The following ARID3A variants were observed in gnomAD, a reference collection of about 807,000 sequenced individuals.
ARID3A encodes AT-rich interaction domain 3A.
In ARID3A, 11 loss-of-function variants were observed where a neutral mutation model predicts 52.7. That is an observed-to-expected ratio of 0.21 (90% CI 0.13 to 0.35). ARID3A has a LOEUF of 0.35. ARID3A is among the 10% of genes least tolerant of loss of function. The probability of loss-of-function intolerance (pLI) is 1.00; values close to 1 mark genes in which losing one functional copy is unlikely to be tolerated. For missense variants in ARID3A, 721 were observed against 838.5 expected, an observed-to-expected ratio of 0.86 and a Z score of 1.73; for synonymous variants, 404 against 359.4, an observed-to-expected ratio of 1.12 and a Z score of -1.40.
rs2038110190 is a variant in ARID3A, at chr19:964,661, G to C, written c.951-172G>C. On this transcript the variant is annotated intron_variant, in intron 5 of 8. Transcript: ENST00000263620. The surrounding 1 kb of genome is among the most constrained non-coding windows in gnomAD (Gnocchi z 5.7). ...CAATCAGGGGCCATTGCGAGGAACA[G>C]CATTGAGATGGAGGGAATGGGCAAA... 1.3e-5 allele frequency among the ~76,000 whole-genome samples: 2 copies of C among 152,202 alleles called. No homozygotes were observed. The highest frequency in any genetic ancestry group is 4.8e-5 in the African/African-American group (2 of 41,464).
chr19:947,691 C>T lies in ARID3A; in HGVS notation c.694-12401C>T, dbSNP rs2037715627. ...GGAAATCCACAGAGAAGCACCTTCA[C>T]CACGCCAGCTTCCCGGGCCGCGCTT... On this transcript the variant is annotated intron_variant, in intron 3 of 8. Coordinates refer to ENST00000263620, the MANE Select transcript of ARID3A (RefSeq NM_005224.3). This position sits in a 1 kb window ranked among gnomAD's most constrained non-coding sequence, Gnocchi z 6.3. Among the ~76,000 whole-genome samples, 1 of 152,234 alleles carries T rather than the reference C, an allele frequency of 6.6e-6. No homozygotes were observed. Among genetic ancestry groups the T allele is most frequent in the African/African-American group, 2.4e-5 (1 of 41,462 alleles).
At position 966,855 on chromosome 19, in the gene ARID3A, G is replaced by T. The variant is rs1299373090; in HGVS notation, c.1482G>T (p.Arg494=). The T allele has an allele frequency of 8.7e-6, 14 of 1,609,620 alleles. No individual in the cohort carries two copies. Among genetic ancestry groups the T allele is most frequent in the South Asian group, 4.4e-5 (4 of 90,816 alleles). The part of the protein sequence containing the change: ...AMAAQLPMSI[R]INSQASESRQ... ...CGGCCCAGCTGCCCATGAGCATTCG[G>T]ATCAACAGCCAAGGTACTGCCCTCG... The change falls in exon 7 of 9, where the codon CGG becomes CGT. Residue 494 remains arginine (R), a synonymous_variant. Transcript: ENST00000263620.
At position 959,897 on chromosome 19, in the gene ARID3A, A is replaced by G. The variant is rs940990771; in HGVS notation, c.694-195A>G. Among the ~76,000 whole-genome samples the G allele has an allele frequency of 1.3e-5, 2 of 152,120 alleles. No individual in the cohort carries two copies. The highest frequency in any genetic ancestry group is 4.8e-5 in the African/African-American group (2 of 41,422). ...TGCAGACCCTCTGGGAAGCTCGTTC[A>G]CCGGCATTTCTGTCTTGCAGCCTTG... On this transcript the variant is annotated intron_variant, in intron 3 of 8. Transcript: ENST00000263620. The surrounding 1 kb of genome is among the most constrained non-coding windows in gnomAD (Gnocchi z 5.0).
chr19:930,761 G>A lies in ARID3A; in HGVS notation c.368+865G>A, dbSNP rs1056645290. On this transcript the variant is annotated intron_variant, in intron 2 of 8. Transcript: ENST00000263620. ...CCTGACCTCATGATCTGCCTGCCTT[G>A]GCCTCCCAAAGTGCTGGGATTACAG... is the stretch of plus-strand genomic sequence containing the variant. Among the ~76,000 whole-genome samples, 12 of 151,178 alleles carry A rather than the reference G, an allele frequency of 7.9e-5. No homozygotes were observed. The South Asian group carries it at 1.0e-3, about 13-fold the overall frequency.
chr19:953,371 AC>A (rs1442589454), intron 3 of ARID3A, among the ~76,000 whole-genome samples: 1 of 149,756 alleles, frequency 6.7e-6, no homozygotes, highest in Non-Finnish European at 1.5e-5. Flanking sequence ...CACCGGCGCC[AC>A]CACCCGAGCC....
In ARID3A at chr19:938,664, C is replaced by A. The variant is rs1290993312; in HGVS notation, c.693+5922C>A. On this transcript the variant is annotated intron_variant, in intron 3 of 8. Transcript: ENST00000263620. The surrounding 1 kb of genome is among the most constrained non-coding windows in gnomAD (Gnocchi z 4.0). ...CTCAGTGCTGTCCTCATATCCAGGCCTCCGGGCCTGACAGCTGGGCGTGTG... is the reference window on the plus strand; with the variant it reads ...CTCAGTGCTGTCCTCATATCCAGGCATCCGGGCCTGACAGCTGGGCGTGTG... 1.3e-5 allele frequency among the ~76,000 whole-genome samples: 2 copies of A among 152,298 alleles called. No homozygotes were observed. Among genetic ancestry groups the A allele is most frequent in the African/African-American group, 4.8e-5 (2 of 41,574 alleles).
chr19:974,974 A>T lies in ARID3A; in HGVS notation c.*2909A>T, dbSNP rs550080827. ...AATGGGAGGCGGTTGCAGAGGGTCTATGGGGCCCGGTCCTGGATACTCGGC... is the reference window on the plus strand; with the variant it reads ...AATGGGAGGCGGTTGCAGAGGGTCTTTGGGGCCCGGTCCTGGATACTCGGC... On this transcript the variant is annotated 3_prime_UTR_variant, in exon 9 of 9. Transcript: ENST00000263620. 164 of 232,038 alleles carry T rather than the reference A, an allele frequency of 7.1e-4. 1 individual carries two copies. Among genetic ancestry groups the T allele is most frequent in the Middle Eastern group, 1.3e-3 (1 of 782 alleles). The allele number at this position is 232,038 out of a possible 1,614,324, so 14.4% of individuals were successfully genotyped here.
intron 8 of ARID3A, among the ~76,000 whole-genome samples, chr19:971,538 C>T (rs945884629): frequency 3.3e-5 from 5 of 152,062 alleles, no homozygotes; most frequent in Admixed American, 6.6e-5. Context: ...TGCTTGAACC[C>T]AGGAGGTGGA....
chr19:975,490 G>C lies in ARID3A; in HGVS notation c.*3425G>C, dbSNP rs2145489501. The stretch of plus-strand genomic sequence containing the variant: ...ATTGTGCTTTTGCATTTTTTTCCTT[G>C]GCAAATGTAAACTCAGCCTTTCATT... On this transcript the variant is annotated 3_prime_UTR_variant, in exon 9 of 9. Transcript: ENST00000263620. 4.4e-6 allele frequency: 1 copy of C among 225,970 alleles called. No homozygotes were observed. The highest frequency in any genetic ancestry group is 1.8e-4 in the South Asian group (1 of 5,458). 14.0% of individuals were successfully genotyped at this position (225,970 alleles called of 1,614,324 possible).
chr19:949,581 A>T (rs1162869177), intron 3 of ARID3A, among the ~76,000 whole-genome samples: 1 of 150,836 alleles, frequency 6.6e-6, no homozygotes, highest in East Asian at 2.0e-4. Context: ...AAGTGCTGGG[A>T]TTATAGGCAG....
chr19:929,873 G>A lies in ARID3A; in HGVS notation c.345G>A (p.Glu115=). Residue 115 remains glutamate, a synonymous_variant, in exon 2 of 9, where the codon GAG becomes GAA. Transcript: ENST00000263620. This position sits in a 1 kb window ranked among gnomAD's most constrained non-coding sequence, Gnocchi z 6.2. ...AAGGGCCAGGAGAGGAGCACTTTGA[G>A]GACATGGCCTCCGACGAGGACATGT... ...GREGPGEEHF[E]DMASDEDMKP... 3 of 1,543,278 alleles carry A rather than the reference G, an allele frequency of 1.9e-6. No individual in the cohort carries two copies. Among genetic ancestry groups the A allele is most frequent in the Non-Finnish European group, 2.6e-6 (3 of 1,146,904 alleles).
In ARID3A at chr19:929,289, A is replaced by G. The variant is rs1266891602; in HGVS notation, c.-240A>G. On this transcript the variant is annotated 5_prime_UTR_variant, in exon 2 of 9. It removes an upstream start codon present in the reference 5' UTR. Transcript: ENST00000263620. The surrounding 1 kb of genome is among the most constrained non-coding windows in gnomAD (Gnocchi z 6.2). Reference sequence around the variant, plus strand: ...TTCTGCAAATGCGTGAATGAGCCGGATGCCAGCCTCTGTCCCCTGGAGCCC... The same window carrying G: ...TTCTGCAAATGCGTGAATGAGCCGGGTGCCAGCCTCTGTCCCCTGGAGCCC... The G allele has an allele frequency of 4.7e-5, 17 of 365,530 alleles. No homozygotes were observed. Among genetic ancestry groups the G allele is most frequent in the Non-Finnish European group, 7.2e-5 (17 of 235,506 alleles). 22.6% of individuals were successfully genotyped at this position (365,530 alleles called of 1,614,324 possible). A position where few individuals can be genotyped will look rare whatever the true frequency, so the allele number is the denominator to read the frequency against.
intron 6 of ARID3A, among the ~76,000 whole-genome samples, chr19:965,766 C>T (rs576722440): frequency 1.8e-4 from 28 of 151,502 alleles, no homozygotes; most frequent in East Asian, 5.9e-4. Context: ...CTGAGGCAGG[C>T]GGATCGCTTG....
intron 7 of ARID3A, among the ~76,000 whole-genome samples, chr19:968,157 GA>G: frequency 6.7e-6 from 1 of 150,238 alleles, no homozygotes; most frequent in South Asian, 2.1e-4. Flanking sequence ...TCAAGAGATC[GA>G]GACCATCCTG....
intron 8 of ARID3A, among the ~76,000 whole-genome samples, chr19:970,415 G>A (rs978429569): frequency 6.6e-6 from 1 of 151,990 alleles, no homozygotes; most frequent in African/African-American, 2.4e-5. Context: ...GGGAGGCTAA[G>A]GAGAGAGGTT....
chr19:965,319 T>C (rs2038126604), intron 6 of ARID3A: 2 of 530,300 alleles, frequency 3.8e-6, no homozygotes, highest in African/African-American at 3.8e-5. Context: ...GTGTTTCCAG[T>C]CCTGTGGCCA....
intron 3 of ARID3A, among the ~76,000 whole-genome samples, chr19:956,871 T>C (rs2037928988): frequency 6.6e-6 from 1 of 152,134 alleles, no homozygotes; most frequent in South Asian, 2.1e-4. Flanking sequence ...ACCTGGGATG[T>C]CCCCGCAGCA....
chr19:932,555 C>T lies in ARID3A; in HGVS notation c.506C>T (p.Thr169Ile). ...CCCCCAGGCCCTGCCAGCTTGGGCA[C>T]CACGGCACTGTTCCCCCGAAAGGCC... Reference protein sequence around the residue: ...LGPPGPASLGTTALFPRKAQP... With the variant: ...LGPPGPASLGITALFPRKAQP... Residue 169 changes from threonine (T) to isoleucine (I), a missense_variant, in exon 3 of 9, where the codon ACC becomes ATC. Physicochemically the swap from Thr to Ile is moderately conservative, Grantham distance 89. Around this residue, in one of 5 missense-constraint regions of ARID3A, gnomAD observed 349 missense variants for 297.3 expected, o/e 1.17. Transcript: ENST00000263620. 6.6e-7 allele frequency: 1 copy of T among 1,510,306 alleles called. No individual in the cohort carries two copies. The highest frequency in any genetic ancestry group is 8.8e-7 in the Non-Finnish European group (1 of 1,132,270). The allele number at this position is 1,510,306 out of a possible 1,614,324, so 93.6% of individuals were successfully genotyped here.
rs955497461 is a variant in ARID3A, at chr19:930,737, C to T, written c.368+841C>T. Among the ~76,000 whole-genome samples the T allele has an allele frequency of 2.6e-5, 4 of 151,034 alleles. No individual in the cohort carries two copies. The Middle Eastern group carries it at 0.01, about 388-fold the overall frequency. Reference sequence around the variant, plus strand: ...TGTTAGCCAAGATGGTCTCGATCTCCTGACCTCATGATCTGCCTGCCTTGG... The same window carrying T: ...TGTTAGCCAAGATGGTCTCGATCTCTTGACCTCATGATCTGCCTGCCTTGG... On this transcript the variant is annotated intron_variant, in intron 2 of 8. Coordinates refer to ENST00000263620, the MANE Select transcript of ARID3A (RefSeq NM_005224.3).
Sources: allele counts gnomAD v4.1 joint callset (sites outside exome capture counted in the v4.1 genomes callset), GRCh38; gene constraint gnomAD v4.1.1; regional missense constraint gnomAD v4.1.1; non-coding constraint Gnocchi (gnomAD v3.1); transcripts MANE v1.5; gene names NCBI Gene and HGNC (gene_info 2026-07-23, HGNC 2026-07-21).